Variants in MCPH1 observed in about 807,000 individuals in gnomAD.
MCPH1 encodes the protein microcephalin.
A neutral mutation model predicts 84.5 loss-of-function variants in MCPH1; 104 were observed. The observed-to-expected ratio is 1.23, with a 90% confidence interval of 1.05 to 1.45. The LOEUF is 1.45. Ranked by LOEUF, MCPH1 falls within the 40% of genes most tolerant of loss-of-function variation. The probability of loss-of-function intolerance (pLI) is 0.00; values close to 1 mark genes in which losing one functional copy is unlikely to be tolerated. For missense variants in MCPH1, 1,498 were observed against 1,005.7 expected (o/e 1.49, Z -6.62); for synonymous variants, 514 against 366.8 (o/e 1.40, Z -4.58).
At chr8:6,562,940 C>G in intron 12 of MCPH1, 1 of 1,577,932 alleles carries the variant, frequency 6.3e-7, no homozygotes, top group African/African-American at 1.3e-5. Context: ...CACATTCTTT[C>G]TTCAGTAATA....
At chr8:6,583,790 A>G (rs543057977) in intron 12 of MCPH1, among the ~76,000 whole-genome samples, 11 of 150,284 alleles carry the variant, frequency 7.3e-5, no homozygotes, top group Admixed American at 5.3e-4. Flanking sequence ...AGACAACTGA[A>G]TAGAGCCTCA....
intron 11 of MCPH1, among the ~76,000 whole-genome samples, chr8:6,489,314 A>T (rs866975637): frequency 6.6e-6 from 1 of 150,518 alleles, no homozygotes; most frequent in Non-Finnish European, 1.5e-5. Context: ...GTCAGGGGGA[A>T]GGGGGAGGCA....
At chr8:6,426,434 G>C (rs1230390833) in intron 3 of MCPH1, among the ~76,000 whole-genome samples, 1 of 152,182 alleles carries the variant, frequency 6.6e-6, no homozygotes, top group African/African-American at 2.4e-5. Flanking sequence ...TCAGATCAGT[G>C]GAATCATCCA....
chr8:6,492,749 T>A lies in MCPH1; in HGVS notation c.2137-7103T>A, dbSNP rs145248161. ...TTATCAAATAAATATTAATAATAAT[T>A]ATTTAATATTATAAAATTAATAATC... On this transcript the variant is annotated intron_variant, in intron 11 of 13. Transcript: ENST00000344683. Among the ~76,000 whole-genome samples, 547 of 148,974 alleles carry A rather than the reference T, an allele frequency of 3.7e-3. 7 individuals carry two copies. Among genetic ancestry groups the A allele is most frequent in the African/African-American group, 0.013 (516 of 41,046 alleles).
chr8:6,480,971 C>G (rs1809152301), intron 11 of MCPH1, 95 bp downstream of exon 11: 1 of 1,413,380 alleles, frequency 7.1e-7, no homozygotes. Context: ...GGCCGGCGTG[C>G]ACCCTTGTGG....
intron 12 of MCPH1, among the ~76,000 whole-genome samples, chr8:6,618,284 C>T (rs1019923852): frequency 6.6e-6 from 1 of 152,218 alleles, no homozygotes. Flanking sequence ...GCTTAGAATT[C>T]ACAGCTAACT....
chr8:6,502,410 CA>C (rs1251300755), intron 12 of MCPH1: 1 of 152,140 alleles, frequency 6.6e-6, no homozygotes, highest in Non-Finnish European at 1.5e-5. Flanking sequence ...TTGATAATTT[CA>C]GAGATTCTGG....
chr8:6,618,196 C>G (rs772263873), intron 12 of MCPH1, among the ~76,000 whole-genome samples: 3 of 152,214 alleles, frequency 2.0e-5, no homozygotes, highest in Admixed American at 6.5e-5. Flanking sequence ...GCCTTGATCT[C>G]CAGGTAACAC....
intron 9 of MCPH1, among the ~76,000 whole-genome samples, chr8:6,458,332 C>T (rs924790815): frequency 2.0e-5 from 3 of 151,772 alleles, no homozygotes; most frequent in Admixed American, 6.6e-5. Context: ...ATTAGCTGGG[C>T]GTAGTGGCGG....
chr8:6,409,248 T>G, intron 1 of MCPH1, 31 bp from the exon 2 acceptor site: 1 of 1,551,562 alleles, frequency 6.4e-7, no homozygotes, highest in Non-Finnish European at 8.9e-7. Flanking sequence ...GAATTTCAAA[T>G]GTATGTTTCA....
intron 12 of MCPH1, among the ~76,000 whole-genome samples, chr8:6,548,766 A>G (rs1199552367): frequency 1.3e-5 from 2 of 152,232 alleles, no homozygotes; most frequent in African/African-American, 4.8e-5. Flanking sequence ...GATGCTGGAA[A>G]AAAAGAAGGT....
intron 3 of MCPH1, among the ~76,000 whole-genome samples, chr8:6,429,261 C>T (rs564346283): frequency 4.3e-4 from 66 of 152,254 alleles, no homozygotes; most frequent in African/African-American, 1.5e-3. Flanking sequence ...CCTTTGAGTC[C>T]AGAGCTTCTC....
chr8:6,420,928 T>C (rs145024129), intron 3 of MCPH1, among the ~76,000 whole-genome samples: 1,576 of 152,264 alleles, frequency 0.01, 20 homozygotes, highest in Middle Eastern at 0.024. Context: ...GAAGTTTATT[T>C]AAAAGGCGTC....
intron 13 of MCPH1, chr8:6,627,315 G>A (rs1563212674): frequency 1.0e-5 from 10 of 984,360 alleles, no homozygotes; most frequent in Non-Finnish European, 1.1e-5. Context: ...CAGAAGCTGT[G>A]GAGAGTGGCA....
intron 12 of MCPH1, among the ~76,000 whole-genome samples, chr8:6,570,324 T>C (rs1014167764): frequency 2.0e-5 from 3 of 152,180 alleles, no homozygotes; most frequent in Admixed American, 6.5e-5. Flanking sequence ...CCCTTAGAAT[T>C]GGGCATTGAC....
chr8:6,609,585 C>T lies in MCPH1; in HGVS notation c.2215-11869C>T, dbSNP rs142730244. Reference sequence around the variant, plus strand: ...AAAAATACATTCCGCCTTCCTTTAACTGCTAGTTCGTCATGGAGAACAGAA... The same window carrying T: ...AAAAATACATTCCGCCTTCCTTTAATTGCTAGTTCGTCATGGAGAACAGAA... On this transcript the variant is annotated intron_variant, in intron 12 of 13. Transcript: ENST00000344683. Among the ~76,000 whole-genome samples, 146 of 152,316 alleles carry T rather than the reference C, an allele frequency of 9.6e-4. 2 individuals are homozygous for T. Among genetic ancestry groups the T allele is most frequent in the African/African-American group, 3.3e-3 (139 of 41,568 alleles).
chr8:6,541,525 T>G (rs1173591030), intron 12 of MCPH1, among the ~76,000 whole-genome samples: 1 of 151,888 alleles, frequency 6.6e-6, no homozygotes, highest in Non-Finnish European at 1.5e-5. Context: ...TGAGATGAGG[T>G]TGCAGCAGCA....
chr8:6,432,942 A>T (rs568279875), intron 4 of MCPH1, among the ~76,000 whole-genome samples: 1 of 152,214 alleles, frequency 6.6e-6, no homozygotes, highest in Non-Finnish European at 1.5e-5. Context: ...CCCTCCCTCA[A>T]TGTAAGCAGC....
intron 12 of MCPH1, among the ~76,000 whole-genome samples, chr8:6,509,468 G>T (rs1814502978): frequency 6.6e-6 from 1 of 152,184 alleles, no homozygotes; most frequent in African/African-American, 2.4e-5. Flanking sequence ...TTCCGCAGGG[G>T]GCCCCGGGGG....
Sources: allele counts gnomAD v4.1 joint callset (sites outside exome capture counted in the v4.1 genomes callset), GRCh38; gene constraint gnomAD v4.1.1; transcripts MANE v1.5; gene names NCBI Gene and HGNC (gene_info 2026-07-23, HGNC 2026-07-21).